USF3: variants seen among roughly 807,000 people sequenced by gnomAD.
USF3 encodes basic helix-loop-helix domain-containing protein USF3.
A neutral mutation model predicts 157.5 loss-of-function variants in USF3; 29 were observed. That is an observed-to-expected ratio of 0.18 (90% CI 0.14 to 0.25). The LOEUF (loss-of-function observed/expected upper bound fraction) is 0.25, where lower values mean the gene tolerates loss of function less well. Among genes scored for constraint, USF3 ranks in the 10% least tolerant of loss-of-function variants. USF3 has a pLI of 1.00. For synonymous variants in USF3, 893 were observed against 941.4 expected, an observed-to-expected ratio of 0.95 and a Z score of 0.94; for missense variants, 2,381 against 2,667.6, an observed-to-expected ratio of 0.89 and a Z score of 2.37.
At chr3:113,673,526 T>C (rs1344631809) in intron 3 of USF3, 150 bp from the exon 4 acceptor site, 8 of 563,140 alleles carry the variant, frequency 1.4e-5, no homozygotes, top group African/African-American at 1.2e-4. Flanking sequence ...TTCCTTAATA[T>C]ATATTATGGT....
intron 1 of USF3, among the ~76,000 whole-genome samples, chr3:113,683,471 T>C (rs891909555): frequency 5.7e-5 from 8 of 139,670 alleles, no homozygotes; most frequent in African/African-American, 2.1e-4. Flanking sequence ...CTGCTTTTTT[T>C]TTTTTTTTTT....
chr3:113,664,066 G>A (rs770240593), intron 6 of USF3, among the ~76,000 whole-genome samples: 26 of 152,276 alleles, frequency 1.7e-4, no homozygotes, highest in Middle Eastern at 3.4e-3. Flanking sequence ...AGGCAAACAT[G>A]AAATACACAG....
In USF3 at chr3:113,677,106, G is replaced by A. The variant is rs561040516; in HGVS notation, c.-19+176C>T. Among the ~76,000 whole-genome samples the A allele has an allele frequency of 3.0e-4, 45 of 152,258 alleles. No individual in the cohort carries two copies. The South Asian group carries it at 6.8e-3, about 23-fold the overall frequency. ...AAAGCACTGACTGAAGCAGCCTGTC[G>A]AGAAATGTGTCATCAAGACCCATGT... On this transcript the variant is annotated intron_variant, in intron 2 of 6. Transcript: ENST00000316407.
chr3:113,664,211 T>G, intron 6 of USF3, 102 bp downstream of exon 6: 1 of 669,776 alleles, frequency 1.5e-6, no homozygotes, highest in South Asian at 2.0e-5. Flanking sequence ...AATAATGTTT[T>G]GGGGCCAAAA....
chr3:113,653,752 ATACT>A lies in USF3; in HGVS notation c.*1188_*1191del, dbSNP rs1163594397. 1.3e-5 allele frequency: 2 copies of A among 152,136 alleles called. No homozygotes were observed. The highest frequency in any genetic ancestry group is 2.1e-4 in the South Asian group (1 of 4,820). The allele number at this position is 152,136 out of a possible 1,614,324, so 9.4% of individuals were successfully genotyped here. On this transcript the variant is annotated 3_prime_UTR_variant, in exon 7 of 7. Transcript: ENST00000316407. ...AAAATATGTGTACACACACACACAC[ATACT>A]TACACACACAGAGACATACAGAAAG... is the stretch of plus-strand genomic sequence containing the variant.
At chr3:113,676,728 G>A (rs1190495684) in intron 2 of USF3, among the ~76,000 whole-genome samples, 4 of 151,998 alleles carry the variant, frequency 2.6e-5, no homozygotes, top group South Asian at 2.1e-4. Context: ...TTTTTTCTCC[G>A]AGAGAGAGAA....
intron 1 of USF3, among the ~76,000 whole-genome samples, chr3:113,678,308 TA>T (rs1453095363): frequency 6.6e-6 from 1 of 152,126 alleles, no homozygotes; most frequent in Admixed American, 6.5e-5. Flanking sequence ...GTATATAAAG[TA>T]AAAGTTCTAG....
chr3:113,675,889 A>T (rs1164533768), intron 2 of USF3, among the ~76,000 whole-genome samples: 2 of 152,190 alleles, frequency 1.3e-5, no homozygotes, highest in African/African-American at 4.8e-5. Context: ...TCAAGTTCAA[A>T]GTTCCACAGC....
intron 5 of USF3, among the ~76,000 whole-genome samples, chr3:113,665,437 A>T (rs1947548837): frequency 6.6e-6 from 1 of 152,234 alleles, no homozygotes; most frequent in South Asian, 2.1e-4. Flanking sequence ...GCTTCCAGTA[A>T]ATTGTATTCC....
chr3:113,682,269 G>A (rs1321361819), intron 1 of USF3, among the ~76,000 whole-genome samples: 1 of 151,968 alleles, frequency 6.6e-6, no homozygotes, highest in Non-Finnish European at 1.5e-5. Flanking sequence ...AGGCTGCAGT[G>A]AGCCATGATC....
At chr3:113,682,176 T>C (rs1707447870) in intron 1 of USF3, among the ~76,000 whole-genome samples, 2 of 151,900 alleles carry the variant, frequency 1.3e-5, no homozygotes, top group Admixed American at 1.3e-4. Context: ...ATAGAAAAAA[T>C]TATCCAGATA....
Position 113,674,864 on chromosome 3 carries a change from T to C in USF3, c.15A>G (p.Thr5=), listed in dbSNP as rs377402891. Residue 5 remains threonine (T), a synonymous_variant, in exon 3 of 7, where the codon ACA becomes ACG. Coordinates refer to ENST00000316407, the MANE Select transcript of USF3 (RefSeq NM_001009899.4). ...GCTTTTTTGTAGGCGTCTCATTCTC[T>C]GTCATTTCTGGCATGGTTACAGTAA... MPEM[T]ENETPTKKQH... is the part of the protein sequence containing the mutation. 2.9e-5 allele frequency: 46 copies of C among 1,613,256 alleles called. No individual in the cohort carries two copies. Among genetic ancestry groups the C allele is most frequent in the Admixed American group, 1.7e-4 (10 of 60,012 alleles).
chr3:113,659,584 T>C lies in USF3; in HGVS notation c.2098A>G (p.Asn700Asp), dbSNP rs1235971978. 1.2e-6 allele frequency: 2 copies of C among 1,614,048 alleles called. No homozygotes were observed. Among genetic ancestry groups the C allele is most frequent in the Admixed American group, 1.7e-5 (1 of 60,026 alleles). The change falls in exon 7 of 7, where the codon AAT becomes GAT. Residue 700 changes from asparagine to aspartate, a missense_variant. Transcript: ENST00000316407. The part of the protein sequence containing the change: ...IIQPTTSEDP[N>D]TNVALNTFGA... ...AATGTATTCAGGGCAACATTGGTAT[T>C]TGGATCTTCGCTGGTGGTGGGTTGA... is the stretch of plus-strand genomic sequence containing the variant.
intron 3 of USF3, 122 bp from the exon 4 acceptor site, chr3:113,673,498 A>C: frequency 1.6e-6 from 1 of 632,326 alleles, no homozygotes; most frequent in Non-Finnish European, 2.8e-6. Context: ...AGCAATAAGA[A>C]ACAATCTGAA....
chr3:113,662,200 G>C (rs1947497592), intron 6 of USF3, among the ~76,000 whole-genome samples: 2 of 152,194 alleles, frequency 1.3e-5, no homozygotes, highest in African/African-American at 4.8e-5. Context: ...TGAAACAATT[G>C]AGACAAAAAG....
At position 113,657,891 on chromosome 3, in the gene USF3, G is replaced by A. The variant is rs1947397074; in HGVS notation, c.3791C>T (p.Ser1264Leu). Residue 1264 changes from serine (S) to leucine (L), a missense_variant, in exon 7 of 7, where the codon TCA becomes TTA. By Grantham distance (145) the Ser-to-Leu change is moderately radical. Around this residue, in one of 6 missense-constraint regions of USF3, gnomAD observed 1,435 missense variants for 1,550.9 expected, o/e 0.93. Transcript: ENST00000316407. ...LASCAGLSPT[S>L]EQTTVPATVN... ...CGTTGCAGGCACAGTTGTTTGCTCT[G>A]AAGTTGGGGATAAACCCGCACAGCT... 2.5e-6 allele frequency: 4 copies of A among 1,614,202 alleles called. No homozygotes were observed. The highest frequency in any genetic ancestry group is 1.1e-5 in the South Asian group (1 of 91,082).
intron 4 of USF3, among the ~76,000 whole-genome samples, chr3:113,672,287 G>C (rs1707176569): frequency 6.6e-6 from 1 of 151,794 alleles, no homozygotes; most frequent in African/African-American, 2.4e-5. Flanking sequence ...ACCATACCCG[G>C]CTAATTTTTT....
chr3:113,689,127 A>G (rs1475371018), intron 1 of USF3, among the ~76,000 whole-genome samples: 1 of 152,236 alleles, frequency 6.6e-6, no homozygotes, highest in Admixed American at 6.5e-5. Flanking sequence ...TGTACAGTAA[A>G]TAGGAATAGC....
rs762084430 is a variant in USF3 at position 113,660,823 on chromosome 3, G to C, written c.859C>G (p.Gln287Glu). The C allele has an allele frequency of 1.2e-6, 2 of 1,614,050 alleles. No homozygotes were observed. Among genetic ancestry groups the C allele is most frequent in the Admixed American group, 1.7e-5 (1 of 60,000 alleles). Residue 287 changes from glutamine (Q) to glutamate (E), a missense_variant, in exon 7 of 7, where the codon CAA becomes GAA. Gln to Glu is a conservative substitution (Grantham distance 29). Coordinates refer to ENST00000316407, the MANE Select transcript of USF3 (RefSeq NM_001009899.4). ...TTCTTCAATACTTTGGGGTTCTCTT[G>C]TCCATTCTTATTTTCAGAAGAATTT... Reference protein sequence around the residue: ...DQNSSENKNGQENPKVLKKMT... With the variant: ...DQNSSENKNGEENPKVLKKMT...
Sources: gnomAD v4.1 joint callset for allele counts (sites outside exome capture counted in the v4.1 genomes callset) on GRCh38, gnomAD v4.1.1 for gene constraint, gnomAD v4.1.1 regional missense constraint, MANE v1.5 for transcripts, NCBI Gene and HGNC (gene_info 2026-07-23, HGNC 2026-07-21) for gene names.